The following CADPS2 variants were observed in gnomAD, a reference collection of about 807,000 sequenced individuals.
CADPS2 encodes calcium-dependent secretion activator 2.
CADPS2 carries 93 observed loss-of-function variants against 172.5 expected under a neutral mutation model. The ratio of observed to expected loss-of-function variants is 0.54; its 90% CI spans 0.46 to 0.64. CADPS2 has a LOEUF of 0.64. Ranked by LOEUF, CADPS2 falls within the 30% of genes least tolerant of loss-of-function variation. CADPS2 has a pLI of 0.00. For synonymous variants in CADPS2, 546 were observed against 555.2 expected (o/e 0.98, Z 0.23); for missense variants, 1,420 against 1,565.9 (o/e 0.91, Z 1.57).
Position 122,834,472 on chromosome 7 carries a change from C to A in CADPS2, c.339+51527G>T, listed in dbSNP as rs548030615. On this transcript the variant is annotated intron_variant, in intron 1 of 29. Transcript: ENST00000449022. ...CGGGTGCAGCCCACTGAGCGAGATCCGAAGCAGGGTGAGGCAATGCCTCAC... is the reference window on the plus strand; with the variant it reads ...CGGGTGCAGCCCACTGAGCGAGATCAGAAGCAGGGTGAGGCAATGCCTCAC... Among the ~76,000 whole-genome samples the A allele has an allele frequency of 3.3e-5, 5 of 152,170 alleles. No homozygotes were observed. The East Asian group carries it at 9.7e-4, about 30-fold the overall frequency.
intron 9 of CADPS2, among the ~76,000 whole-genome samples, chr7:122,513,026 AT>A (rs1331419982): frequency 2.0e-5 from 3 of 152,188 alleles, no homozygotes; most frequent in Non-Finnish European, 2.9e-5. Context: ...GTCCAAAAGC[AT>A]AAAACAATGC....
At chr7:122,796,844 C>CAACAAA (rs1323659177) in intron 1 of CADPS2, among the ~76,000 whole-genome samples, 1 of 151,666 alleles carries the variant, frequency 6.6e-6, no homozygotes, top group Non-Finnish European at 1.5e-5. Flanking sequence ...AAAGCAATCG[C>CAACAAA]AACAAAAACA....
chr7:122,603,918 A>C (rs1190930414), intron 6 of CADPS2, among the ~76,000 whole-genome samples: 2 of 152,248 alleles, frequency 1.3e-5, no homozygotes, highest in African/African-American at 4.8e-5. Context: ...TTGATCAAAG[A>C]GTACACATTT....
At chr7:122,795,225 T>C (rs1230933453) in intron 1 of CADPS2, among the ~76,000 whole-genome samples, 1 of 151,466 alleles carries the variant, frequency 6.6e-6, no homozygotes, top group Non-Finnish European at 1.5e-5. Context: ...GCTAGACTAA[T>C]AAAGAATAGA....
intron 2 of CADPS2, among the ~76,000 whole-genome samples, chr7:122,729,095 C>T (rs2091394232): frequency 6.6e-6 from 1 of 151,788 alleles, no homozygotes; most frequent in African/African-American, 2.4e-5. Flanking sequence ...TTAGATTCTA[C>T]ATATGAGGGA....
At chr7:122,816,743 GC>G (rs1447452388) in intron 1 of CADPS2, among the ~76,000 whole-genome samples, 1 of 152,126 alleles carries the variant, frequency 6.6e-6, no homozygotes, top group African/African-American at 2.4e-5. Flanking sequence ...AGGCCTCTGA[GC>G]CCAAGCCAAG....
At chr7:122,505,610 T>C (rs2059552432) in intron 9 of CADPS2, among the ~76,000 whole-genome samples, 1 of 152,144 alleles carries the variant, frequency 6.6e-6, no homozygotes, top group Non-Finnish European at 1.5e-5. Flanking sequence ...CCTAGAGATA[T>C]AACAAAGAGT....
At chr7:122,527,832 G>C (rs1477681339) in intron 8 of CADPS2, among the ~76,000 whole-genome samples, 1 of 152,004 alleles carries the variant, frequency 6.6e-6, no homozygotes, top group African/African-American at 2.4e-5. Flanking sequence ...CCCTTACATG[G>C]AAGCAAGTAT....
chr7:122,351,489 T>C (rs1018583899), intron 27 of CADPS2, among the ~76,000 whole-genome samples: 1 of 151,620 alleles, frequency 6.6e-6, no homozygotes, highest in Non-Finnish European at 1.5e-5. Flanking sequence ...TATTAATTAT[T>C]ATATGTTTAG....
intron 1 of CADPS2, among the ~76,000 whole-genome samples, chr7:122,776,988 A>T (rs1019089561): frequency 6.6e-6 from 1 of 152,006 alleles, no homozygotes; most frequent in African/African-American, 2.4e-5. Flanking sequence ...CCATCTCTAC[A>T]AAAAGTTTGA....
At chr7:122,871,064 G>C (rs1172336097) in intron 1 of CADPS2, among the ~76,000 whole-genome samples, 1 of 151,742 alleles carries the variant, frequency 6.6e-6, no homozygotes, top group Non-Finnish European at 1.5e-5. Context: ...ATTTAGAAAG[G>C]ACAAAGAAGA....
intron 12 of CADPS2, among the ~76,000 whole-genome samples, chr7:122,475,159 G>A (rs558232679): frequency 1.1e-3 from 173 of 152,128 alleles, no homozygotes; most frequent in Non-Finnish European, 1.9e-3. Context: ...ATCTTTCAAC[G>A]CCTGTAGACC....
chr7:122,503,836 G>C (rs767428572), intron 9 of CADPS2, among the ~76,000 whole-genome samples: 1 of 152,140 alleles, frequency 6.6e-6, no homozygotes, highest in Non-Finnish European at 1.5e-5. Flanking sequence ...CCATCTCATA[G>C]AGTGAGAATG....
chr7:122,803,219 T>C (rs1589290863), intron 1 of CADPS2, among the ~76,000 whole-genome samples: 1 of 152,142 alleles, frequency 6.6e-6, no homozygotes, highest in South Asian at 2.1e-4. Flanking sequence ...GTGCTGCTCA[T>C]AGAAACCCAC....
At chr7:122,581,358 C>T in intron 6 of CADPS2, 68 bp from the exon 7 acceptor site, 1 of 1,186,440 alleles carries the variant, frequency 8.4e-7, no homozygotes, top group Non-Finnish European at 1.2e-6. Flanking sequence ...AGATGTGTCT[C>T]CATAGAAGGC....
intron 14 of CADPS2, among the ~76,000 whole-genome samples, chr7:122,468,404 C>T (rs1350082282): frequency 6.6e-6 from 1 of 152,070 alleles, no homozygotes; most frequent in Non-Finnish European, 1.5e-5. Context: ...GAGAGGTTGC[C>T]AAAACCTGAA....
intron 3 of CADPS2, among the ~76,000 whole-genome samples, chr7:122,645,976 T>G (rs2078509497): frequency 6.6e-6 from 1 of 151,814 alleles, no homozygotes; most frequent in Admixed American, 6.6e-5. Context: ...CTCAATAAAA[T>G]AGTTGAATCT....
chr7:122,844,920 A>G (rs1486903939), intron 1 of CADPS2, among the ~76,000 whole-genome samples: 1 of 151,368 alleles, frequency 6.6e-6, no homozygotes, highest in Non-Finnish European at 1.5e-5. Flanking sequence ...AAAAAAAATC[A>G]TTTTATTCTA....
chr7:122,508,635 T>C (rs770704093), intron 9 of CADPS2, among the ~76,000 whole-genome samples: 1 of 151,580 alleles, frequency 6.6e-6, no homozygotes, highest in Non-Finnish European at 1.5e-5. Flanking sequence ...TAGCCTTAGG[T>C]AGATTCTTAT....
Sources: gnomAD v4.1 joint callset for allele counts (sites outside exome capture counted in the v4.1 genomes callset) on GRCh38, gnomAD v4.1.1 for gene constraint, MANE v1.5 for transcripts, NCBI Gene and HGNC (gene_info 2026-07-23, HGNC 2026-07-21) for gene names.